The following PDE4D variants were observed in gnomAD, a reference collection of about 807,000 sequenced individuals.
The protein encoded by PDE4D is phosphodiesterase 4D, also known as 3',5'-cyclic-AMP phosphodiesterase 4D.
PDE4D carries 24 observed loss-of-function variants against 87.4 expected under a neutral mutation model. The ratio of observed to expected loss-of-function variants is 0.27; its 90% CI spans 0.20 to 0.39. The LOEUF is 0.39. Ranked by LOEUF, PDE4D falls within the 10% of genes least tolerant of loss-of-function variation. The probability of loss-of-function intolerance (pLI) is 1.00; values close to 1 mark genes in which losing one functional copy is unlikely to be tolerated. For missense variants in PDE4D, 714 were observed against 1,041.0 expected (o/e 0.69, Z 4.32); for synonymous variants, 384 against 383.2 (o/e 1.00, Z -0.02).
chr5:59,829,603 C>T (rs116171810), intron 1 of PDE4D, among the ~76,000 whole-genome samples: 4,919 of 152,062 alleles, frequency 0.032, 126 homozygotes, highest in African/African-American at 0.06. Context: ...AACTAATGGC[C>T]TCATTCTAAT....
intron 3 of PDE4D, among the ~76,000 whole-genome samples, chr5:59,913,194 G>C (rs1419987446): frequency 6.6e-6 from 1 of 152,166 alleles, no homozygotes; most frequent in Non-Finnish European, 1.5e-5. Flanking sequence ...TATTGGACAA[G>C]ATAATTGCCA....
Position 60,116,160 on chromosome 5 carries a change from G to C in PDE4D, c.42+69397C>G, listed in dbSNP as rs1302886513. 3.9e-5 allele frequency among the ~76,000 whole-genome samples: 6 copies of C among 152,016 alleles called. No individual in the cohort carries two copies. In the East Asian group the frequency reaches 1.2e-3, roughly 29 times the overall value. On this transcript the variant is annotated intron_variant, in intron 2 of 16. Coordinates refer to the PDE4D transcript ENST00000502484. Reference sequence around the variant, plus strand: ...TGGTTGTCATAATTCAAGTCTATGGGAGGGCAAACGATGGATTATAGTGAG... The same window carrying C: ...TGGTTGTCATAATTCAAGTCTATGGCAGGGCAAACGATGGATTATAGTGAG...
intron 1 of PDE4D, among the ~76,000 whole-genome samples, chr5:59,552,149 G>T (rs1391271248): frequency 1.3e-5 from 2 of 152,188 alleles, no homozygotes; most frequent in Non-Finnish European, 2.9e-5. Context: ...AGCCTAGGAG[G>T]TGAAGGTTGC....
chr5:59,030,564 C>A (rs1757198864), intron 6 of PDE4D, among the ~76,000 whole-genome samples: 1 of 151,614 alleles, frequency 6.6e-6, no homozygotes, highest in South Asian at 2.1e-4. Context: ...AATAGCAAGA[C>A]CCTCTCTATA....
intron 1 of PDE4D, among the ~76,000 whole-genome samples, chr5:59,542,470 A>G (rs747203939): frequency 3.3e-5 from 5 of 152,218 alleles, no homozygotes; most frequent in Non-Finnish European, 7.3e-5. Flanking sequence ...GAACCATTTT[A>G]GCACTCCCAC....
Position 59,494,761 on chromosome 5 carries a change from T to G in PDE4D, c.456-278793A>C, listed in dbSNP as rs576948401. 5.3e-4 allele frequency among the ~76,000 whole-genome samples: 81 copies of G among 152,324 alleles called. 1 individual carries two copies. The highest frequency in any genetic ancestry group is 1.9e-3 in the African/African-American group (79 of 41,576). ...ACCTGAGGCACTTGCATTAAGACTT[T>G]GAAACAATCCCACCAGCAACGTACC... is the stretch of plus-strand genomic sequence containing the variant. On this transcript the variant is annotated intron_variant, in intron 1 of 14. Coordinates refer to ENST00000340635, the MANE Select transcript of PDE4D (RefSeq NM_001104631.2).
chr5:59,426,998 TAC>T (rs3061709), intron 1 of PDE4D, among the ~76,000 whole-genome samples: 5,598 of 124,886 alleles, frequency 0.045, 133 homozygotes, highest in East Asian at 0.13. Flanking sequence ...CTTGAAGCTA[TAC>T]ACACACACAC....
intron 1 of PDE4D, among the ~76,000 whole-genome samples, chr5:59,307,954 A>G (rs1380352044): frequency 6.6e-6 from 1 of 152,190 alleles, no homozygotes; most frequent in Non-Finnish European, 1.5e-5. Flanking sequence ...AAGACTTGGA[A>G]CCAATCCAAA....
At chr5:59,377,430 A>AT (rs1416889856) in intron 1 of PDE4D, among the ~76,000 whole-genome samples, 6 of 145,126 alleles carry the variant, frequency 4.1e-5, no homozygotes, top group African/African-American at 1.7e-4. Flanking sequence ...AAAAAAAAAA[A>AT]AAATATGTCA....
intron 1 of PDE4D, among the ~76,000 whole-genome samples, chr5:59,452,222 G>T (rs188703231): frequency 1.5e-4 from 23 of 152,212 alleles, no homozygotes; most frequent in African/African-American, 5.5e-4. Context: ...CACACTTGAG[G>T]TTTTAGCCTA....
intron 1 of PDE4D, among the ~76,000 whole-genome samples, chr5:59,806,510 T>A (rs1439499740): frequency 6.6e-6 from 1 of 152,242 alleles, no homozygotes; most frequent in Non-Finnish European, 1.5e-5. Flanking sequence ...ATTGTTCTAA[T>A]GGATTTTTAA....
chr5:59,304,999 T>G (rs1771038453), intron 1 of PDE4D, among the ~76,000 whole-genome samples: 1 of 152,174 alleles, frequency 6.6e-6, no homozygotes, highest in East Asian at 1.9e-4. Context: ...TCTGGTAGAA[T>G]GCTGCTGTGA....
chr5:60,049,239 G>GTATTGGT (rs1209716060), intron 2 of PDE4D, among the ~76,000 whole-genome samples: 3 of 151,998 alleles, frequency 2.0e-5, no homozygotes, highest in Non-Finnish European at 4.4e-5. Flanking sequence ...GCACTTCTCT[G>GTATTGGT]TATTGGTTAT....
At chr5:59,612,237 T>TTTTTTTG (rs113105324) in intron 1 of PDE4D, among the ~76,000 whole-genome samples, 2,858 of 150,456 alleles carry the variant, frequency 0.019, 44 homozygotes, top group Middle Eastern at 0.065. Context: ...ACACTGTTTT[T>TTTTTTTG]TTTGTTTGTT....
chr5:59,616,638 C>A (rs1829705514), intron 1 of PDE4D, among the ~76,000 whole-genome samples: 2 of 152,042 alleles, frequency 1.3e-5, no homozygotes, highest in East Asian at 3.9e-4. Flanking sequence ...GAGTCACTGG[C>A]CCTTGTCTTT....
At chr5:59,971,696 T>C (rs1760786569) in intron 3 of PDE4D, among the ~76,000 whole-genome samples, 2 of 152,142 alleles carry the variant, frequency 1.3e-5, no homozygotes, top group Admixed American at 1.3e-4. Flanking sequence ...TATCTTTTTA[T>C]GTAAAAAAAT....
At chr5:59,848,848 C>T (rs2152715511) in intron 1 of PDE4D, among the ~76,000 whole-genome samples, 1 of 152,098 alleles carries the variant, frequency 6.6e-6, no homozygotes, top group Non-Finnish European at 1.5e-5. Flanking sequence ...TCTGCCTTAA[C>T]TCATCAGGAT....
intron 1 of PDE4D, among the ~76,000 whole-genome samples, chr5:60,463,900 C>T (rs1747149024): frequency 6.6e-6 from 1 of 152,194 alleles, no homozygotes; most frequent in Non-Finnish European, 1.5e-5. Flanking sequence ...AAATAAAATA[C>T]ACACATACAG....
chr5:59,389,398 A>AT (rs932048708), intron 1 of PDE4D, among the ~76,000 whole-genome samples: 1 of 151,762 alleles, frequency 6.6e-6, no homozygotes, highest in African/African-American at 2.4e-5. Flanking sequence ...TTTAATATAT[A>AT]TTTTCAGTTC....
Sources: gnomAD v4.1 joint callset for allele counts (sites outside exome capture counted in the v4.1 genomes callset) on GRCh38, gnomAD v4.1.1 for gene constraint, MANE v1.5 for transcripts, NCBI Gene and HGNC (gene_info 2026-07-23, HGNC 2026-07-21) for gene names.